PLCH2: variants seen among roughly 807,000 people sequenced by gnomAD.
PLCH2 encodes the protein phospholipase C eta 2, also known as 1-phosphatidylinositol 4,5-bisphosphate phosphodiesterase eta-2.
PLCH2 carries 98 observed loss-of-function variants against 134.7 expected under a neutral mutation model. The ratio of observed to expected loss-of-function variants is 0.73; its 90% CI spans 0.62 to 0.86. The LOEUF is 0.86. Ranked by LOEUF, PLCH2 falls within the 40% of genes least tolerant of loss-of-function variation. The pLI, the probability that PLCH2 is intolerant of heterozygous loss-of-function variation, is 0.00. For missense variants in PLCH2, 1,994 were observed against 1,986.6 expected (o/e 1.00, Z -0.07); for synonymous variants, 974 against 827.5 (o/e 1.18, Z -3.04).
upstream of PLCH2, among the ~76,000 whole-genome samples, chr1:2,473,316 C>T (rs762372150): frequency 1.2e-4 from 18 of 152,150 alleles, no homozygotes; most frequent in Admixed American, 2.0e-4. Context: ...CAGGGTGGGC[C>T]GGTGCAGCCC....
chr1:2,504,260 G>T lies in PLCH2; in HGVS notation c.3298G>T (p.Val1100Leu). Residue 1100 changes from valine to leucine, a missense_variant, in exon 22 of 22, where the codon GTG (valine) becomes TTG (leucine). Val to Leu is a conservative substitution (Grantham distance 32). Transcript: ENST00000378486. ...TAGAAGGGTGAAGAGTGAGGGGCAG[G>T]TGCCCACGGAGCCCCTGGGAGGGTG... ...VIRRVKSEGQ[V>L]PTEPLGGWRP... 1 of 1,592,460 alleles carries T rather than the reference G, an allele frequency of 6.3e-7. No individual in the cohort carries two copies.
intron 2 of PLCH2, among the ~76,000 whole-genome samples, chr1:2,454,820 C>A (rs1395551156): frequency 6.6e-6 from 1 of 152,176 alleles, no homozygotes; most frequent in African/African-American, 2.4e-5. Context: ...TGCACTATGT[C>A]CTTGGCCAGG....
In PLCH2 at chr1:2,504,389, G is replaced by A. The variant is rs368558349; in HGVS notation, c.3427G>A (p.Val1143Ile). 5.1e-5 allele frequency: 83 copies of A among 1,612,246 alleles called. 2 individuals carry two copies. The highest frequency in any genetic ancestry group is 5.0e-4 in the Middle Eastern group (3 of 6,060). Reference protein sequence around the residue: ...RLEPCGHRDSVSSSSSMSSSD... With the variant: ...RLEPCGHRDSISSSSSMSSSD... ...GGAGCCATGTGGCCACCGAGACAGC[G>A]TTTCCTCCTCCTCCAGCATGTCATC... is the stretch of plus-strand genomic sequence containing the variant. The change falls in exon 22 of 22, where the codon GTT (valine) becomes ATT (isoleucine). Residue 1143 changes from valine (V) to isoleucine (I), a missense_variant. Physicochemically the swap from Val to Ile is conservative, Grantham distance 29. Around this residue, in one of 2 missense-constraint regions of PLCH2, gnomAD observed 900 missense variants for 752.3 expected, o/e 1.20. Transcript: ENST00000378486.
Position 2,480,282 on chromosome 1 carries a change from GC to G in PLCH2, c.619del (p.Arg207GlyfsTer4). ...QLLHKLNVNL[P>X]RQRVKQMFRE... ...TGCTGCACAAGCTCAACGTGAACCT[GC>G]CCCGGCAGAGGGTGAAGCAGATGTT... On this transcript the variant is annotated frameshift_variant, in exon 4 of 22. Transcript: ENST00000378486. LOFTEE classifies it high-confidence loss of function. 11 of 1,612,664 alleles carry G rather than the reference GC, an allele frequency of 6.8e-6. No homozygotes were observed. The highest frequency in any genetic ancestry group is 9.3e-6 in the Non-Finnish European group (11 of 1,179,790).
intron 21 of PLCH2, 99 bp downstream of exon 21, chr1:2,502,508 A>C (rs1283088049): frequency 8.2e-7 from 1 of 1,213,940 alleles, no homozygotes; most frequent in Admixed American, 2.0e-5. Context: ...CGCCACATGC[A>C]TGAAGTGTGT....
In PLCH2 at chr1:2,504,596, C is replaced by T. The variant is rs771191878; in HGVS notation, c.3634C>T (p.Arg1212Trp). The T allele has an allele frequency of 2.2e-5, 35 of 1,612,616 alleles. No homozygotes were observed. The Admixed American group carries it at 2.5e-4, about 12-fold the overall frequency. Residue 1212 changes from arginine to tryptophan, a missense_variant, in exon 22 of 22, where the codon CGG becomes TGG. Around this residue, in one of 2 missense-constraint regions of PLCH2, gnomAD observed 900 missense variants for 752.3 expected, o/e 1.20. Coordinates refer to ENST00000378486, the MANE Select transcript of PLCH2 (RefSeq NM_014638.4). Reference sequence around the variant, plus strand: ...CCCCAACCTTCGGGCTACAGGCCAGCGGCCTCCCATACCTGACGAACTGCA... The same window carrying T: ...CCCCAACCTTCGGGCTACAGGCCAGTGGCCTCCCATACCTGACGAACTGCA... The part of the protein sequence containing the change: ...SNPNLRATGQ[R>W]PPIPDELQPR...
In PLCH2 at chr1:2,487,288, C is replaced by T. The variant is rs772854863; in HGVS notation, c.1026C>T (p.Asn342=). 1.2e-6 allele frequency: 2 copies of T among 1,613,828 alleles called. No individual in the cohort carries two copies. The highest frequency in any genetic ancestry group is 1.7e-5 in the Admixed American group (1 of 60,020). ...ACTACTTCATCACCTCGTCCCACAA[C>T]ACCTACCTCGTGGGTGACCAGCTCA... ...LSHYFITSSH[N]TYLVGDQLMS... Residue 342 remains asparagine, a synonymous_variant, in exon 7 of 22, where the codon AAC becomes AAT. Coordinates refer to ENST00000378486, the MANE Select transcript of PLCH2 (RefSeq NM_014638.4).
At chr1:2,457,212 C>T (rs982179965) in intron 2 of PLCH2, among the ~76,000 whole-genome samples, 10 of 152,142 alleles carry the variant, frequency 6.6e-5, no homozygotes, top group African/African-American at 1.9e-4. Flanking sequence ...CTGGCAGCTC[C>T]GTCCATCAGC....
At chr1:2,502,712 G>GC in intron 21 of PLCH2, 1 of 714,192 alleles carries the variant, frequency 1.4e-6, no homozygotes. Context: ...GGGTCCTGGG[G>GC]CCTGGAGGCA....
chr1:2,496,868 G>C lies in PLCH2; in HGVS notation c.1974G>C (p.Lys658Asn). The C allele has an allele frequency of 6.2e-7, 1 of 1,612,910 alleles. No homozygotes were observed. Among genetic ancestry groups the C allele is most frequent in the Non-Finnish European group, 8.5e-7 (1 of 1,179,822 alleles). Reference sequence around the variant, plus strand: ...AGGTGTCGTCCTTCAGCGAGACCAAGGCCCACCAGATTCTGCAGCAGAAGC... The same window carrying C: ...AGGTGTCGTCCTTCAGCGAGACCAACGCCCACCAGATTCTGCAGCAGAAGC... Reference protein sequence around the residue: ...SWQVSSFSETKAHQILQQKPA... With the variant: ...SWQVSSFSETNAHQILQQKPA... The change falls in exon 15 of 22, where the codon AAG (lysine) becomes AAC (asparagine). Residue 658 changes from lysine (K) to asparagine (N), a missense_variant. Lys to Asn is a moderately conservative substitution (Grantham distance 94). Around this residue, in one of 2 missense-constraint regions of PLCH2, gnomAD observed 1,094 missense variants for 1,234.3 expected, o/e 0.89. Coordinates refer to ENST00000378486, the MANE Select transcript of PLCH2 (RefSeq NM_014638.4).
At position 2,499,735 on chromosome 1, in the gene PLCH2, C is replaced by A; in HGVS notation, c.2661+15C>A. ...TCAGCGGTAAGGTGAGTGTCACCCC[C>A]TGCCACCAGCCATCATGGGGAGGGG... On this transcript the variant is annotated intron_variant, in intron 20 of 21. Coordinates refer to ENST00000378486, the MANE Select transcript of PLCH2 (RefSeq NM_014638.4). The A allele has an allele frequency of 6.4e-7, 1 of 1,558,074 alleles. No homozygotes were observed. Among genetic ancestry groups the A allele is most frequent in the East Asian group, 2.4e-5 (1 of 42,002 alleles).
rs376310203 is a variant in PLCH2 at position 2,487,404 on chromosome 1, G to A, written c.1114+28G>A. 38 of 1,589,962 alleles carry A rather than the reference G, an allele frequency of 2.4e-5. No individual in the cohort carries two copies. The East Asian group carries it at 2.9e-4, about 12-fold the overall frequency. On this transcript the variant is annotated intron_variant, in intron 7 of 21. Coordinates refer to ENST00000378486, the MANE Select transcript of PLCH2 (RefSeq NM_014638.4). Reference sequence around the variant, plus strand: ...AAGCCCTGGACCTTGGGTGACGGCCGTGGGCTGGCATCTGCTGTGGGAGAT... The same window carrying A: ...AAGCCCTGGACCTTGGGTGACGGCCATGGGCTGGCATCTGCTGTGGGAGAT...
intron 21 of PLCH2, chr1:2,503,566 A>AC (rs901727291): frequency 1.7e-5 from 11 of 635,270 alleles, no homozygotes; most frequent in Non-Finnish European, 3.1e-5. Flanking sequence ...GCCCCTCCAG[A>AC]CCCCCCTGAC....
At chr1:2,438,215 C>A (rs539400863) in intron 2 of PLCH2, among the ~76,000 whole-genome samples, 1 of 152,216 alleles carries the variant, frequency 6.6e-6, no homozygotes, top group African/African-American at 2.4e-5. Flanking sequence ...GAACGGCGCT[C>A]GGCAGACGGT....
chr1:2,419,005 C>T, the PLCH2 span, among the ~76,000 whole-genome samples: 35,608 of 152,182 alleles, frequency 0.23, 4,792 homozygotes, highest in Middle Eastern at 0.33. Context: ...TCCCCATCCT[C>T]GGGGTCTGTG....
upstream of PLCH2, among the ~76,000 whole-genome samples, chr1:2,425,549 TGTTGCCAAG>T (rs1171923590): frequency 1.3e-5 from 2 of 152,224 alleles, no homozygotes; most frequent in Non-Finnish European, 1.5e-5. Flanking sequence ...GGTCTGCCTC[TGTTGCCAAG>T]GTTGGAGTGC....
intron 2 of PLCH2, among the ~76,000 whole-genome samples, chr1:2,433,793 G>C (rs1015318122): frequency 9.9e-5 from 15 of 152,200 alleles, no homozygotes; most frequent in Non-Finnish European, 2.1e-4. Flanking sequence ...TCGTGGCTTT[G>C]GGTGCCTGGG....
At chr1:2,485,717 C>T (rs1456485203) in intron 5 of PLCH2, among the ~76,000 whole-genome samples, 1 of 152,018 alleles carries the variant, frequency 6.6e-6, no homozygotes, top group Non-Finnish European at 1.5e-5. Context: ...CTCTACTGGC[C>T]ACCTGCGCTG....
At chr1:2,453,112 TG>T (rs1487940823) in intron 2 of PLCH2, among the ~76,000 whole-genome samples, 1 of 152,060 alleles carries the variant, frequency 6.6e-6, no homozygotes, top group East Asian at 1.9e-4. Context: ...CACCCAGGCC[TG>T]GGCCGCCCAT....
Sources: gnomAD v4.1 joint callset for allele counts (sites outside exome capture counted in the v4.1 genomes callset) on GRCh38, gnomAD v4.1.1 for gene constraint, gnomAD v4.1.1 regional missense constraint, MANE v1.5 for transcripts, NCBI Gene and HGNC (gene_info 2026-07-23, HGNC 2026-07-21) for gene names.